CHCHD7: variants seen among roughly 807,000 people sequenced by gnomAD.
CHCHD7 encodes the protein coiled-coil-helix-coiled-coil-helix domain-containing protein 7.
Under a neutral mutation model 10.5 loss-of-function variants are expected in CHCHD7, and 7 were observed. That is an observed-to-expected ratio of 0.67 (90% CI 0.38 to 1.25). CHCHD7 has a LOEUF of 1.25. Among genes scored for constraint, CHCHD7 ranks in the 50% most tolerant of loss-of-function variants. The pLI, the probability that CHCHD7 is intolerant of heterozygous loss-of-function variation, is 0.02. For synonymous variants in CHCHD7, 40 were observed against 36.0 expected (o/e 1.11, Z -0.40); for missense variants, 100 against 104.5 (o/e 0.96, Z 0.19).
At chr8:56,212,722 C>T in intron 1 of CHCHD7, 6 of 655,200 alleles carry the variant, frequency 9.2e-6, no homozygotes, top group Non-Finnish European at 1.7e-5. Flanking sequence ...AATTCAGCCC[C>T]GCTCCTCACT....
rs1813425806 is a variant in CHCHD7, at chr8:56,217,478, A to C, written c.*43A>C. 3 of 1,123,390 alleles carry C rather than the reference A, an allele frequency of 2.7e-6. No individual in the cohort carries two copies. The highest frequency in any genetic ancestry group is 2.7e-6 in the Non-Finnish European group (2 of 738,996). 69.6% of individuals were successfully genotyped at this position (1,123,390 alleles called of 1,614,324 possible). ...GTTTATATAACTTAGAAGCAGATGA[A>C]TATTTCTAATAAATGATTGCTGTAA... On this transcript the variant is annotated 3_prime_UTR_variant, in exon 4 of 4. Coordinates refer to ENST00000355315, the MANE Select transcript of CHCHD7 (RefSeq NM_001011671.3).
chr8:56,217,206 TAAAA>T, intron 3 of CHCHD7, 121 bp from the exon 4 acceptor site: 2 of 543,230 alleles, frequency 3.7e-6, no homozygotes, highest in East Asian at 3.1e-5. Flanking sequence ...ATTTTTTTTT[TAAAA>T]AAAACTTGGT....
chr8:56,214,813 A>G, intron 2 of CHCHD7, 146 bp downstream of exon 2: 1 of 548,480 alleles, frequency 1.8e-6, no homozygotes, highest in Non-Finnish European at 3.3e-6. Flanking sequence ...ATTTAACTAG[A>G]GCATTTTTAG....
intron 1 of CHCHD7, chr8:56,214,122 C>T (rs1250323232): frequency 6.6e-6 from 1 of 152,308 alleles, no homozygotes; most frequent in Admixed American, 6.5e-5. Flanking sequence ...GTCACCCAGG[C>T]TGGAGTGCAC....
intron 1 of CHCHD7, chr8:56,212,867 C>T (rs1198329761): frequency 5.0e-6 from 8 of 1,608,896 alleles, no homozygotes; most frequent in Non-Finnish European, 6.8e-6. Context: ...TGTGAAGAAA[C>T]TCATGCACCA....
intron 1 of CHCHD7, chr8:56,213,670 C>T (rs887017077): frequency 6.6e-6 from 1 of 152,224 alleles, no homozygotes; most frequent in Admixed American, 6.5e-5. Flanking sequence ...AAAGCTGTAT[C>T]TCTAGGAATT....
rs761529561 is a variant in CHCHD7 at position 56,216,537 on chromosome 8, C to T, written c.153+6C>T. 1.2e-6 allele frequency: 2 copies of T among 1,614,124 alleles called. No homozygotes were observed. Among genetic ancestry groups the T allele is most frequent in the East Asian group, 2.2e-5 (1 of 44,878 alleles). On this transcript the variant is annotated splice_donor_region_variant and intron_variant, in intron 3 of 3. Transcript: ENST00000355315. ...AAAACTGCCGGAGATTCTGGGTAAG[C>T]CTAGATTGGTTAGCTTTGTGTTAAA...
intron 2 of CHCHD7, among the ~76,000 whole-genome samples, chr8:56,215,852 A>G (rs1813316058): frequency 6.6e-6 from 1 of 152,166 alleles, no homozygotes; most frequent in African/African-American, 2.4e-5. Context: ...TGTGTTGTTG[A>G]CTTCGGTTTT....
At position 56,214,674 on chromosome 8, in the gene CHCHD7, T is replaced by C. The variant is rs915561578; in HGVS notation, c.54+7T>C. 1 of 1,612,184 alleles carries C rather than the reference T, an allele frequency of 6.2e-7. No individual in the cohort carries two copies. The highest frequency in any genetic ancestry group is 8.5e-7 in the Non-Finnish European group (1 of 1,178,498). On this transcript the variant is annotated splice_region_variant and intron_variant, in intron 2 of 3. Transcript: ENST00000355315. ...CATAAATCCTTGTTTGTCGGTAGGA[T>C]GGTTTGCTTTAATTTTCATGAGTGT...
In CHCHD7 at chr8:56,217,706, G is replaced by C; in HGVS notation, c.*271G>C. Reference sequence around the variant, plus strand: ...ACATGAGAAATTGAGCTTTTCCACTGGGTTTTGAAAGAAGAGTATGATGTG... The same window carrying C: ...ACATGAGAAATTGAGCTTTTCCACTCGGTTTTGAAAGAAGAGTATGATGTG... On this transcript the variant is annotated 3_prime_UTR_variant, in exon 4 of 4. Coordinates refer to ENST00000355315, the MANE Select transcript of CHCHD7 (RefSeq NM_001011671.3). 3.0e-6 allele frequency: 1 copy of C among 337,588 alleles called. No homozygotes were observed. Among genetic ancestry groups the C allele is most frequent in the Non-Finnish European group, 5.5e-6 (1 of 181,332 alleles). 20.9% of individuals were successfully genotyped at this position (337,588 alleles called of 1,614,324 possible). A position where few individuals can be genotyped will look rare whatever the true frequency, so the allele number is the denominator to read the frequency against.
intron 1 of CHCHD7, 84 bp from the exon 2 acceptor site, chr8:56,214,514 T>A: frequency 1.0e-6 from 1 of 957,550 alleles, no homozygotes; most frequent in Admixed American, 2.2e-5. Flanking sequence ...AATCAAAATT[T>A]CAGGTACTTT....
chr8:56,216,209 C>T (rs1365954431), intron 2 of CHCHD7, among the ~76,000 whole-genome samples: 1 of 152,200 alleles, frequency 6.6e-6, no homozygotes, highest in Non-Finnish European at 1.5e-5. Flanking sequence ...ATCACATATT[C>T]AGAAAACTGG....
Position 56,218,361 on chromosome 8 carries a change from C to T in CHCHD7, c.*926C>T. The T allele has an allele frequency of 4.4e-6, 1 of 227,350 alleles. No individual in the cohort carries two copies. The highest frequency in any genetic ancestry group is 8.7e-6 in the Non-Finnish European group (1 of 114,532). The allele number at this position is 227,350 out of a possible 1,614,324, so 14.1% of individuals were successfully genotyped here. ...GACTGTGAAGCAGCCCTCCTTATGC[C>T]CACTGCCTTTTAGAATCGTTTGTTT... On this transcript the variant is annotated 3_prime_UTR_variant, in exon 4 of 4. Coordinates refer to ENST00000355315, the MANE Select transcript of CHCHD7 (RefSeq NM_001011671.3).
Position 56,212,686 on chromosome 8 carries a change from C to T in CHCHD7, c.-17+849C>T, listed in dbSNP as rs957853908. ...ACATTCAAAAAGTAATAGACAAGGC[C>T]CCTTTAGCGGAGCACTCGATGTTGT... is the stretch of plus-strand genomic sequence containing the variant. On this transcript the variant is annotated intron_variant, in intron 1 of 3. Coordinates refer to ENST00000355315, the MANE Select transcript of CHCHD7 (RefSeq NM_001011671.3). The T allele has an allele frequency of 9.6e-5, 57 of 595,402 alleles. No homozygotes were observed. In the African/African-American group the frequency reaches 9.9e-4, roughly 10 times the overall value. 36.9% of individuals were successfully genotyped at this position (595,402 alleles called of 1,614,324 possible). A position where few individuals can be genotyped will look rare whatever the true frequency, so the allele number is the denominator to read the frequency against.
In CHCHD7 at chr8:56,216,527, T is replaced by A; in HGVS notation, c.149T>A (p.Phe50Tyr). 1 of 1,614,212 alleles carries A rather than the reference T, an allele frequency of 6.2e-7. No individual in the cohort carries two copies. Among genetic ancestry groups the A allele is most frequent in the Non-Finnish European group, 8.5e-7 (1 of 1,180,044 alleles). ...YFLRYKNCRR[F>Y]WNSIVMQRRK... ...TTGAGGTACAAAAACTGCCGGAGATTCTGGGTAAGCCTAGATTGGTTAGCT... is the reference window on the plus strand; with the variant it reads ...TTGAGGTACAAAAACTGCCGGAGATACTGGGTAAGCCTAGATTGGTTAGCT... The change falls in exon 3 of 4, where the codon TTC (phenylalanine) becomes TAC (tyrosine). Residue 50 changes from phenylalanine (F) to tyrosine (Y), a missense_variant. Coordinates refer to ENST00000355315, the MANE Select transcript of CHCHD7 (RefSeq NM_001011671.3).
At position 56,217,846 on chromosome 8, in the gene CHCHD7, T is replaced by C. The variant is rs895423593; in HGVS notation, c.*411T>C. ...GGAACCACATTCAGAGAGTATCCTG[T>C]AGATTGCTCCACCTAGAATCTCAGG... On this transcript the variant is annotated 3_prime_UTR_variant, in exon 4 of 4. Transcript: ENST00000355315. 2.9e-4 allele frequency: 68 copies of C among 234,728 alleles called. No individual in the cohort carries two copies. Among genetic ancestry groups the C allele is most frequent in the Non-Finnish European group, 2.3e-4 (28 of 119,274 alleles). 14.5% of individuals were successfully genotyped at this position (234,728 alleles called of 1,614,324 possible).
intron 3 of CHCHD7, chr8:56,216,759 GTCT>G: frequency 1.4e-6 from 1 of 701,974 alleles, no homozygotes; most frequent in East Asian, 2.7e-5. Flanking sequence ...ATATAGGTGG[GTCT>G]TCTTAGACAT....
chr8:56,214,351 G>A (rs1391360130), intron 1 of CHCHD7: 2 of 301,804 alleles, frequency 6.6e-6, no homozygotes, highest in African/African-American at 2.1e-5. Context: ...GATTACAGGC[G>A]TGAGACACCG....
At position 56,212,903 on chromosome 8, in the gene CHCHD7, T is replaced by C. The variant is rs762448656; in HGVS notation, c.-17+1066T>C. The C allele has an allele frequency of 2.5e-6, 4 of 1,587,872 alleles. No homozygotes were observed. In the East Asian group the frequency reaches 8.9e-5, roughly 35 times the overall value. ...AACTCGAACTGGGTATATGTGATGTTACCTAGGTATTATTTTTGAAGAATT... is the reference window on the plus strand; with the variant it reads ...AACTCGAACTGGGTATATGTGATGTCACCTAGGTATTATTTTTGAAGAATT... On this transcript the variant is annotated intron_variant, in intron 1 of 3. Coordinates refer to ENST00000355315, the MANE Select transcript of CHCHD7 (RefSeq NM_001011671.3).
Sources: allele counts gnomAD v4.1 joint callset (sites outside exome capture counted in the v4.1 genomes callset), GRCh38; gene constraint gnomAD v4.1.1; transcripts MANE v1.5; gene names NCBI Gene and HGNC (gene_info 2026-07-23, HGNC 2026-07-21).